Variants in CRAMP1 observed in about 807,000 individuals in gnomAD.
CRAMP1 encodes protein cramped-like.
Under a neutral mutation model 115.4 loss-of-function variants are expected in CRAMP1, and 50 were observed. The ratio of observed to expected loss-of-function variants is 0.43; its 90% CI spans 0.35 to 0.55. The LOEUF (loss-of-function observed/expected upper bound fraction) is 0.55, where lower values mean the gene tolerates loss of function less well. Among genes scored for constraint, CRAMP1 ranks in the 20% least tolerant of loss-of-function variants. The pLI is 0.01. For synonymous variants in CRAMP1, 866 were observed against 745.4 expected (o/e 1.16, Z -2.64); for missense variants, 1,679 against 1,721.7 (o/e 0.98, Z 0.44).
intron 2 of CRAMP1, 80 bp downstream of exon 2, chr16:1,615,065 C>T (rs1216138119): frequency 3.4e-6 from 3 of 879,122 alleles, no homozygotes; most frequent in African/African-American, 3.5e-5. Context: ...TCGCCCCAGC[C>T]GGGCTCCACC....
intron 4 of CRAMP1, among the ~76,000 whole-genome samples, chr16:1,634,422 G>A (rs895385005): frequency 1.3e-5 from 2 of 151,980 alleles, no homozygotes; most frequent in African/African-American, 2.4e-5. Context: ...TTGCTGGTGC[G>A]AGGAGGCCTC....
intron 6 of CRAMP1, among the ~76,000 whole-genome samples, 154 bp from the exon 7 acceptor site, chr16:1,652,342 T>A (rs1296441454): frequency 6.6e-6 from 1 of 152,220 alleles, no homozygotes; most frequent in Non-Finnish European, 1.5e-5. Flanking sequence ...TGTTTGTCAC[T>A]GTGTCCTCCC....
intron 2 of CRAMP1, among the ~76,000 whole-genome samples, chr16:1,622,241 A>C (rs1201636577): frequency 6.6e-6 from 1 of 152,232 alleles, no homozygotes; most frequent in Non-Finnish European, 1.5e-5. Flanking sequence ...GGCCGGGCGC[A>C]GTGGCCCATG....
intron 2 of CRAMP1, among the ~76,000 whole-genome samples, chr16:1,622,109 A>G (rs144525864): frequency 1.0e-3 from 154 of 152,298 alleles, no homozygotes; most frequent in Non-Finnish European, 1.7e-3. Flanking sequence ...AGCTGTACTC[A>G]GTGAGCCGAG....
At chr16:1,631,190 C>T (rs1452462157) in intron 3 of CRAMP1, among the ~76,000 whole-genome samples, 3 of 152,216 alleles carry the variant, frequency 2.0e-5, no homozygotes, top group Non-Finnish European at 2.9e-5. Flanking sequence ...AAGAGCCCTG[C>T]GTTCTCCCCC....
At position 1,675,250 on chromosome 16, in the gene CRAMP1, G is replaced by T. The variant is rs1314450918; in HGVS notation, c.*1205G>T. On this transcript the variant is annotated 3_prime_UTR_variant, in exon 21 of 21. Coordinates refer to ENST00000397412, the MANE Select transcript of CRAMP1 (RefSeq NM_020825.4). Reference sequence around the variant, plus strand: ...TTTCCCCAGGACAGAGCTAACAAGGGCCCCTTTGCCTTCTCATCCTCAGGA... The same window carrying T: ...TTTCCCCAGGACAGAGCTAACAAGGTCCCCTTTGCCTTCTCATCCTCAGGA... 6.6e-6 allele frequency: 1 copy of T among 152,292 alleles called. No homozygotes were observed. Among genetic ancestry groups the T allele is most frequent in the Non-Finnish European group, 1.5e-5 (1 of 68,130 alleles). The allele number at this position is 152,292 out of a possible 1,614,324, so 9.4% of individuals were successfully genotyped here. A position where few individuals can be genotyped will look rare whatever the true frequency, so the allele number is the denominator to read the frequency against.
intron 13 of CRAMP1, 132 bp downstream of exon 13, chr16:1,662,967 T>C: frequency 1.5e-6 from 1 of 657,200 alleles, no homozygotes; most frequent in Admixed American, 2.9e-5. Flanking sequence ...CTCTTGTGAG[T>C]AGGGTAAAAA....
intron 20 of CRAMP1, 33 bp downstream of exon 20, chr16:1,670,842 C>A (rs749211670): frequency 1.1e-5 from 18 of 1,608,276 alleles, no homozygotes; most frequent in Non-Finnish European, 1.5e-5. Context: ...TGCACCTGAC[C>A]ACCAACCCTC....
intron 16 of CRAMP1, among the ~76,000 whole-genome samples, chr16:1,667,049 A>G (rs7206644): frequency 0.019 from 2,877 of 152,246 alleles, 111 homozygotes; most frequent in African/African-American, 0.065. Context: ...GGGTGGGCTG[A>G]TGCTGTTAAG....
intron 13 of CRAMP1, 77 bp from the exon 14 acceptor site, chr16:1,664,980 G>A (rs2036861648): frequency 9.9e-7 from 1 of 1,006,756 alleles, no homozygotes; most frequent in Non-Finnish European, 1.6e-6. Context: ...TCTTACTTGG[G>A]ACATTCCTTT....
At chr16:1,627,653 A>T (rs2036518153) in intron 3 of CRAMP1, among the ~76,000 whole-genome samples, 2 of 152,224 alleles carry the variant, frequency 1.3e-5, no homozygotes, top group African/African-American at 4.8e-5. Flanking sequence ...CTGCCGTGGC[A>T]GTGTGGCTTG....
At chr16:1,619,306 G>A (rs551637135) in intron 2 of CRAMP1, among the ~76,000 whole-genome samples, 1 of 152,276 alleles carries the variant, frequency 6.6e-6, no homozygotes, top group East Asian at 1.9e-4. Context: ...TCAGCCTCCT[G>A]AGGAGCTGGG....
intron 18 of CRAMP1, among the ~76,000 whole-genome samples, 165 bp downstream of exon 18, chr16:1,668,358 A>G (rs2036894148): frequency 6.6e-6 from 1 of 152,202 alleles, no homozygotes; most frequent in Admixed American, 6.5e-5. Flanking sequence ...TTGCAGGTGG[A>G]TAAGGTACCT....
intron 14 of CRAMP1, chr16:1,665,735 T>G: frequency 3.4e-6 from 1 of 297,660 alleles, no homozygotes; most frequent in Non-Finnish European, 6.3e-6. Context: ...GGCAGCATCT[T>G]AGTCCAGAAT....
At chr16:1,616,601 T>G (rs1009151009) in intron 2 of CRAMP1, among the ~76,000 whole-genome samples, 1 of 152,128 alleles carries the variant, frequency 6.6e-6, no homozygotes, top group Non-Finnish European at 1.5e-5. Flanking sequence ...TTGCTTTTGT[T>G]TGTATAGTTG....
At position 1,659,045 on chromosome 16, in the gene CRAMP1, T is replaced by C. The variant is rs376935924; in HGVS notation, c.2236-841T>C. Among the ~76,000 whole-genome samples, 27 of 151,856 alleles carry C rather than the reference T, an allele frequency of 1.8e-4. No individual in the cohort carries two copies. The Middle Eastern group carries it at 0.01, about 57-fold the overall frequency. On this transcript the variant is annotated intron_variant, in intron 10 of 20. Coordinates refer to ENST00000397412, the MANE Select transcript of CRAMP1 (RefSeq NM_020825.4). ...GCGTGGGCCTGCACATCCCCTGGGG[T>C]TGGGCTCTGTGGGCCTGCACAACCC...
At chr16:1,632,447 C>T (rs992064550) in intron 4 of CRAMP1, 82 bp downstream of exon 4, 2 of 1,364,932 alleles carry the variant, frequency 1.5e-6, no homozygotes, top group Non-Finnish European at 2.0e-6. Flanking sequence ...AGCAAGCCCG[C>T]CGGACCTGCT....
rs1166171750 is a variant in CRAMP1 at position 1,656,482 on chromosome 16, G to A, written c.1725G>A (p.Glu575=). 5 of 1,578,358 alleles carry A rather than the reference G, an allele frequency of 3.2e-6. No homozygotes were observed. Among genetic ancestry groups the A allele is most frequent in the East Asian group, 4.7e-5 (2 of 42,572 alleles). ...LKSCQDLIVP[E]QCRCADTRPG... ...CCTGTCAGGACCTCATTGTCCCCGA[G>A]CAGTGCCGCTGTGCGGACACACGGC... The change falls in exon 10 of 21, where the codon GAG becomes GAA. Residue 575 remains glutamate, a synonymous_variant. Transcript: ENST00000397412. This position sits in a 1 kb window ranked among gnomAD's most constrained non-coding sequence, Gnocchi z 5.6.
chr16:1,647,173 A>T (rs1415195459), intron 6 of CRAMP1: 2 of 630,024 alleles, frequency 3.2e-6, no homozygotes, highest in Non-Finnish European at 5.7e-6. Flanking sequence ...GACCTGTTTC[A>T]ATTAACTGTG....
Sources: gnomAD v4.1 joint callset for allele counts (sites outside exome capture counted in the v4.1 genomes callset) on GRCh38, gnomAD v4.1.1 for gene constraint, Gnocchi (gnomAD v3.1) non-coding constraint, MANE v1.5 for transcripts, NCBI Gene and HGNC (gene_info 2026-07-23, HGNC 2026-07-21) for gene names.